Variants in B4GALNT2 observed in about 807,000 individuals in gnomAD.
The protein encoded by B4GALNT2 is N-acetylneuraminylgalactosylglucosyl-glucoside beta-1,4-N- acetylgalactosaminyltransferase 2.
B4GALNT2 carries 42 observed loss-of-function variants against 51.1 expected under a neutral mutation model. That is an observed-to-expected ratio of 0.82 (90% CI 0.64 to 1.06). The LOEUF (loss-of-function observed/expected upper bound fraction) is 1.06, where lower values mean the gene tolerates loss of function less well. Among genes scored for constraint, B4GALNT2 ranks in the 50% least tolerant of loss-of-function variants. The pLI, the probability that B4GALNT2 is intolerant of heterozygous loss-of-function variation, is 0.00. For missense variants in B4GALNT2, 602 were observed against 633.6 expected, an observed-to-expected ratio of 0.95 and a Z score of 0.54; for synonymous variants, 253 against 251.7, an observed-to-expected ratio of 1.01 and a Z score of -0.05.
At chr17:49,132,621 TG>T, upstream of B4GALNT2, 1 of 634,140 alleles carries the variant, frequency 1.6e-6, no homozygotes, top group Non-Finnish European at 2.3e-6. Flanking sequence ...AGGGTAGAGA[TG>T]GGGGCGCTGG....
In B4GALNT2 at chr17:49,169,861, G is replaced by A. The variant is rs1429499861; in HGVS notation, c.*133G>A. The stretch of plus-strand genomic sequence containing the variant: ...GGGTAGGGAAAAGGGAAATGGCTCA[G>A]TTACTGGAAGTACCAATCAAAGGTG... On this transcript the variant is annotated 3_prime_UTR_variant, in exon 11 of 11. Coordinates refer to ENST00000393354, the MANE Select transcript of B4GALNT2 (RefSeq NM_001159387.2). 2.6e-5 allele frequency: 22 copies of A among 830,844 alleles called. No individual in the cohort carries two copies. The highest frequency in any genetic ancestry group is 1.6e-5 in the Non-Finnish European group (9 of 560,202). The allele number at this position is 830,844 out of a possible 1,614,324, so 51.5% of individuals were successfully genotyped here.
intron 4 of B4GALNT2, among the ~76,000 whole-genome samples, chr17:49,155,840 A>G (rs1427953385): frequency 1.3e-5 from 2 of 151,476 alleles, no homozygotes; most frequent in African/African-American, 4.8e-5. Flanking sequence ...TCTCCCGCTC[A>G]GCCTCCTGAG....
chr17:49,121,720 C>G, the B4GALNT2 span, among the ~76,000 whole-genome samples: 1 of 152,078 alleles, frequency 6.6e-6, no homozygotes, highest in Admixed American at 6.5e-5. Flanking sequence ...ATGGACCCAC[C>G]ACAGTGAAAA....
chr17:49,150,280 C>A (rs1179073326), intron 3 of B4GALNT2, among the ~76,000 whole-genome samples: 1 of 92,010 alleles, frequency 1.1e-5, no homozygotes, highest in Non-Finnish European at 2.2e-5. Context: ...CCAGCCGCCC[C>A]GTCTGGGAGG....
At chr17:49,126,556 C>G in the B4GALNT2 span, among the ~76,000 whole-genome samples, 1 of 150,102 alleles carries the variant, frequency 6.7e-6, no homozygotes, top group Non-Finnish European at 1.5e-5. Flanking sequence ...CAGTGAAGGC[C>G]AGTTGTACAG....
rs760387297 is a variant in B4GALNT2 at position 49,142,264 on chromosome 17, A to C, written c.353+92A>C. On this transcript the variant is annotated intron_variant, in intron 3 of 10. Transcript: ENST00000393354. Reference sequence around the variant, plus strand: ...TGTGAATCTTAAGAGAAAAAGCAGGAAGGAATTCTCTCTCTTGCAAGGGTC... The same window carrying C: ...TGTGAATCTTAAGAGAAAAAGCAGGCAGGAATTCTCTCTCTTGCAAGGGTC... 7 of 1,511,884 alleles carry C rather than the reference A, an allele frequency of 4.6e-6. No homozygotes were observed. In the East Asian group the frequency reaches 1.6e-4, roughly 34 times the overall value. The allele number at this position is 1,511,884 out of a possible 1,614,324, so 93.7% of individuals were successfully genotyped here.
At chr17:49,168,648 A>G in intron 9 of B4GALNT2, 33 bp from the exon 10 acceptor site, 1 of 1,593,676 alleles carries the variant, frequency 6.3e-7, no homozygotes, top group South Asian at 1.1e-5. Context: ...ATTGATCTGC[A>G]CTCTAACATG....
At chr17:49,153,248 C>T (rs1248983038) in intron 4 of B4GALNT2, among the ~76,000 whole-genome samples, 1 of 152,102 alleles carries the variant, frequency 6.6e-6, no homozygotes, top group Non-Finnish European at 1.5e-5. Flanking sequence ...AACCCTGTCT[C>T]TACAAAAAAT....
chr17:49,143,010 A>G (rs2144286252), intron 3 of B4GALNT2, among the ~76,000 whole-genome samples: 1 of 152,316 alleles, frequency 6.6e-6, no homozygotes, highest in South Asian at 2.1e-4. Flanking sequence ...ACACTTTGGG[A>G]GACTGAGGTG....
chr17:49,131,255 G>A (rs2042536353), upstream of B4GALNT2, among the ~76,000 whole-genome samples: 1 of 151,952 alleles, frequency 6.6e-6, no homozygotes, highest in Non-Finnish European at 1.5e-5. Flanking sequence ...TTTCTGATTG[G>A]TCTTGTCAAA....
chr17:49,159,343 G>GTT (rs1422056694), intron 6 of B4GALNT2, 126 bp downstream of exon 6: 6 of 1,100,292 alleles, frequency 5.5e-6, no homozygotes, highest in Non-Finnish European at 7.8e-6. Flanking sequence ...TGTTTGTTTT[G>GTT]TTTTGTTTTG....
Position 49,156,595 on chromosome 17 carries a change from G to A in B4GALNT2, c.490G>A (p.Val164Ile), listed in dbSNP as rs149941656. The A allele has an allele frequency of 1.8e-4, 284 of 1,613,534 alleles. 1 individual carries two copies. Among genetic ancestry groups the A allele is most frequent in the Admixed American group, 3.5e-4 (21 of 59,862 alleles). The part of the protein sequence containing the change: ...GLQFEGPDAP[V>I]YEVTLTASLG... ...CCAGTTTGAAGGACCCGATGCCCCC[G>A]TCTATGAGGTGAGTCCTTCTCCCAG... Residue 164 changes from valine (V) to isoleucine (I), a missense_variant, in exon 5 of 11, where the codon GTC (valine) becomes ATC (isoleucine). Physicochemically the swap from Val to Ile is conservative, Grantham distance 29. Transcript: ENST00000393354.
the B4GALNT2 span, among the ~76,000 whole-genome samples, chr17:49,125,984 C>T: frequency 6.6e-6 from 1 of 150,986 alleles, no homozygotes; most frequent in Non-Finnish European, 1.5e-5. Flanking sequence ...CGGCCGCCAC[C>T]CCGTCTGGGA....
rs555063585 is a variant in B4GALNT2 at position 49,149,030 on chromosome 17, T to C, written c.354-3770T>C. ...GAGATCGTGCCACTGAATTCCAGTC[T>C]GGCGACAGAGCGAGACCTTGTCTCA... On this transcript the variant is annotated intron_variant, in intron 3 of 10. Transcript: ENST00000393354. The C allele has an allele frequency of 1.6e-4, 24 of 150,586 alleles. No homozygotes were observed. In the South Asian group the frequency reaches 2.9e-3, roughly 18 times the overall value. The allele number at this position is 150,586 out of a possible 1,614,324, so 9.3% of individuals were successfully genotyped here.
Position 49,159,187 on chromosome 17 carries a change from A to G in B4GALNT2, c.649A>G (p.Thr217Ala). 1 of 1,614,190 alleles carries G rather than the reference A, an allele frequency of 6.2e-7. No individual in the cohort carries two copies. Among genetic ancestry groups the G allele is most frequent in the South Asian group, 1.1e-5 (1 of 91,082 alleles). Residue 217 changes from threonine to alanine, a missense_variant, in exon 6 of 11, where the codon ACG becomes GCG. Transcript: ENST00000393354. ...TCTTCAGCACGTGACATACACCAGCACGGGGTACCAGCACCAGAAGGTAGA... is the reference window on the plus strand; with the variant it reads ...TCTTCAGCACGTGACATACACCAGCGCGGGGTACCAGCACCAGAAGGTAGA... ...FILQHVTYTS[T>A]GYQHQKVDIV...
chr17:49,130,823 A>G (rs1004402966), upstream of B4GALNT2, among the ~76,000 whole-genome samples: 1 of 152,150 alleles, frequency 6.6e-6, no homozygotes, highest in African/African-American at 2.4e-5. Context: ...ATAGAGATCT[A>G]CCTGCCTTGT....
chr17:49,159,231 C>A lies in B4GALNT2; in HGVS notation c.679+14C>A. The A allele has an allele frequency of 6.2e-7, 1 of 1,612,736 alleles. No individual in the cohort carries two copies. The highest frequency in any genetic ancestry group is 8.5e-7 in the Non-Finnish European group (1 of 1,179,250). ...AGGTAGACATAGGTGAGAGCCTGTC[C>A]TTGGAGTGCAAAATGCTTAGGGATC... On this transcript the variant is annotated intron_variant, in intron 6 of 10. Coordinates refer to ENST00000393354, the MANE Select transcript of B4GALNT2 (RefSeq NM_001159387.2).
chr17:49,153,044 A>G lies in B4GALNT2; in HGVS notation c.460+138A>G, dbSNP rs149798181. 9.1e-4 allele frequency: 681 copies of G among 746,960 alleles called. 4 individuals are homozygous for G. The African/African-American group carries it at 9.7e-3, about 11-fold the overall frequency. 46.3% of individuals were successfully genotyped at this position (746,960 alleles called of 1,614,324 possible). On this transcript the variant is annotated intron_variant, in intron 4 of 10. Transcript: ENST00000393354. ...GTCCAAAGCAGGAGTTCAAGACTGC[A>G]GTGAGCTATCATCTTGCCAATACAC...
chr17:49,163,335 C>T (rs896460398), intron 7 of B4GALNT2, among the ~76,000 whole-genome samples: 3 of 152,140 alleles, frequency 2.0e-5, no homozygotes, highest in Non-Finnish European at 4.4e-5. Context: ...AAGCTTTTCT[C>T]TAGGAGTTGC....
Sources: gnomAD v4.1 joint callset for allele counts (sites outside exome capture counted in the v4.1 genomes callset) on GRCh38, gnomAD v4.1.1 for gene constraint, MANE v1.5 for transcripts, NCBI Gene and HGNC (gene_info 2026-07-23, HGNC 2026-07-21) for gene names.